NPSR1: variants seen among roughly 807,000 people sequenced by gnomAD.
NPSR1 encodes the protein neuropeptide S receptor 1, also known as neuropeptide S receptor.
NPSR1 carries 48 observed loss-of-function variants against 46.9 expected under a neutral mutation model. That is an observed-to-expected ratio of 1.02 (90% CI 0.81 to 1.30). NPSR1 has a LOEUF of 1.30. Among genes scored for constraint, NPSR1 ranks in the 50% most tolerant of loss-of-function variants. NPSR1 has a pLI of 0.00. For missense variants in NPSR1, 450 were observed against 449.5 expected (o/e 1.00, Z -0.01); for synonymous variants, 176 against 168.1 (o/e 1.05, Z -0.36).
chr7:34,834,210 C>A, intron 5 of NPSR1, 174 bp from the exon 6 acceptor site: 1 of 601,414 alleles, frequency 1.7e-6, no homozygotes, highest in South Asian at 2.2e-5. Context: ...TCCAGTGGAT[C>A]CTCATGGTCA....
intron 2 of NPSR1, among the ~76,000 whole-genome samples, chr7:34,715,417 C>T (rs1783513463): frequency 6.6e-6 from 1 of 152,208 alleles, no homozygotes; most frequent in Non-Finnish European, 1.5e-5. Context: ...ACCTTGGCAC[C>T]TCTACCAAGG....
intron 8 of NPSR1, among the ~76,000 whole-genome samples, chr7:34,869,504 T>C (rs1038500633): frequency 5.1e-4 from 78 of 151,798 alleles, no homozygotes; most frequent in African/African-American, 1.3e-3. Flanking sequence ...ACTGTACTCC[T>C]CCACTTCCCC....
intron 1 of NPSR1, among the ~76,000 whole-genome samples, chr7:34,673,074 C>T (rs770192931): frequency 1.3e-5 from 2 of 152,180 alleles, no homozygotes; most frequent in Non-Finnish European, 2.9e-5. Context: ...GCTACTTCTA[C>T]TCATTGTTTC....
At position 34,703,371 on chromosome 7, in the gene NPSR1, AAAATAAAT is replaced by A. The variant is rs35157717; in HGVS notation, c.280+18715_280+18722del. On this transcript the variant is annotated intron_variant, in intron 2 of 8. Coordinates refer to ENST00000360581, the MANE Select transcript of NPSR1 (RefSeq NM_207172.2). ...GGGTGACAGAGCAAGACTCCGTCTCAAAATAAATAAATAAATAAATAAATAAATAAATA... is the reference window on the plus strand; with the variant it reads ...GGGTGACAGAGCAAGACTCCGTCTCAAAATAAATAAATAAATAAATAAATA... Among the ~76,000 whole-genome samples the A allele has an allele frequency of 4.6e-3, 678 of 148,638 alleles. 3 individuals carry two copies. Among genetic ancestry groups the A allele is most frequent in the African/African-American group, 0.011 (429 of 40,192 alleles).
intron 1 of NPSR1, among the ~76,000 whole-genome samples, chr7:34,666,947 CA>C (rs1392610936): frequency 6.6e-6 from 1 of 152,294 alleles, no homozygotes; most frequent in Non-Finnish European, 1.5e-5. Flanking sequence ...TTACATTTTT[CA>C]AATGATTCTC....
At chr7:34,762,904 C>T (rs957626175) in intron 2 of NPSR1, among the ~76,000 whole-genome samples, 2 of 152,124 alleles carry the variant, frequency 1.3e-5, no homozygotes, top group African/African-American at 2.4e-5. Flanking sequence ...CAGCTTGCTA[C>T]GTATTCATTA....
At chr7:34,670,727 A>C (rs1235589719) in intron 1 of NPSR1, among the ~76,000 whole-genome samples, 1 of 151,984 alleles carries the variant, frequency 6.6e-6, no homozygotes, top group Non-Finnish European at 1.5e-5. Flanking sequence ...AAACAATTTT[A>C]GATTAAATAC....
chr7:34,735,583 C>A (rs1784631614), intron 2 of NPSR1, among the ~76,000 whole-genome samples: 1 of 152,214 alleles, frequency 6.6e-6, no homozygotes, highest in Admixed American at 6.5e-5. Flanking sequence ...GCTATCTGCT[C>A]AGAATCCAGA....
At chr7:34,763,575 A>G (rs1257108410) in intron 2 of NPSR1, among the ~76,000 whole-genome samples, 8 of 152,214 alleles carry the variant, frequency 5.3e-5, no homozygotes, top group Non-Finnish European at 1.2e-4. Flanking sequence ...AGGAAGATAC[A>G]CAGAAGTGGG....
chr7:34,848,379 C>T, intron 7 of NPSR1, 104 bp from the exon 8 acceptor site: 1 of 911,112 alleles, frequency 1.1e-6, no homozygotes, highest in Non-Finnish European at 1.7e-6. Context: ...CTGAGAAATT[C>T]CAGGTCCCAA....
chr7:34,720,492 T>A (rs762999366), intron 2 of NPSR1, among the ~76,000 whole-genome samples: 2 of 152,070 alleles, frequency 1.3e-5, no homozygotes, highest in Non-Finnish European at 2.9e-5. Flanking sequence ...ACATAAGATA[T>A]GATGCAATGT....
At chr7:34,762,323 T>C (rs1786217804) in intron 2 of NPSR1, among the ~76,000 whole-genome samples, 1 of 152,170 alleles carries the variant, frequency 6.6e-6, no homozygotes, top group Non-Finnish European at 1.5e-5. Context: ...GTTTAGACCA[T>C]TAGGCTTAGC....
intron 2 of NPSR1, among the ~76,000 whole-genome samples, chr7:34,773,744 C>G (rs894875971): frequency 2.0e-5 from 3 of 152,198 alleles, no homozygotes; most frequent in Non-Finnish European, 4.4e-5. Flanking sequence ...TAGTCTTGCT[C>G]TCTGCCACTG....
In NPSR1 at chr7:34,778,052, G is replaced by A. The variant is rs866860646; in HGVS notation, c.281-410G>A. Among the ~76,000 whole-genome samples the A allele has an allele frequency of 3.3e-5, 5 of 152,070 alleles. No individual in the cohort carries two copies. The South Asian group carries it at 1.0e-3, about 32-fold the overall frequency. ...AAGAGGTCCAATTTGCAAAATAATG[G>A]GTGTAGTAAGGGGAATTTTGAAGTA... On this transcript the variant is annotated intron_variant, in intron 2 of 8. Coordinates refer to ENST00000360581, the MANE Select transcript of NPSR1 (RefSeq NM_207172.2).
chr7:34,810,054 A>AT (rs1336503771), intron 3 of NPSR1, among the ~76,000 whole-genome samples: 2 of 152,184 alleles, frequency 1.3e-5, no homozygotes, highest in Non-Finnish European at 1.5e-5. Context: ...GCTGAGATGC[A>AT]TTTGTAGAAA....
chr7:34,659,657 C>T lies in NPSR1; in HGVS notation c.147+1098C>T, dbSNP rs538638764. Among the ~76,000 whole-genome samples the T allele has an allele frequency of 3.9e-5, 6 of 152,362 alleles. No homozygotes were observed. In the South Asian group the frequency reaches 1.2e-3, roughly 32 times the overall value. ...AGAACCTGAGCAAACTACTCCTCCA[C>T]TGGCTTCAGTGAAACCCTGTCCCTT... On this transcript the variant is annotated intron_variant, in intron 1 of 8. Coordinates refer to ENST00000360581, the MANE Select transcript of NPSR1 (RefSeq NM_207172.2).
rs528973255 is a variant in NPSR1 at position 34,859,431 on chromosome 7, G to T, written c.1025+10768G>T. On this transcript the variant is annotated intron_variant, in intron 8 of 8. Coordinates refer to the NPSR1 transcript ENST00000359791. ...TTGTCCCCCAGAGTGGAGATCTGAA[G>T]TGCATAATACCCCACTATGCGGTGA... Among the ~76,000 whole-genome samples the T allele has an allele frequency of 2.0e-5, 3 of 151,438 alleles. No homozygotes were observed. The South Asian group carries it at 6.2e-4, about 32-fold the overall frequency.
chr7:34,778,310 G>T (rs1787070850), intron 2 of NPSR1, 152 bp from the exon 3 acceptor site: 4 of 507,566 alleles, frequency 7.9e-6, no homozygotes, highest in Non-Finnish European at 1.4e-5. Flanking sequence ...ACCTTGCTTT[G>T]CATTTCCTCA....
chr7:34,758,647 C>A (rs1308094921), intron 2 of NPSR1, among the ~76,000 whole-genome samples: 3 of 152,124 alleles, frequency 2.0e-5, no homozygotes, highest in Non-Finnish European at 4.4e-5. Context: ...AGTACAAATA[C>A]CCCCATGTAC....
Sources: allele counts gnomAD v4.1 joint callset (sites outside exome capture counted in the v4.1 genomes callset), GRCh38; gene constraint gnomAD v4.1.1; transcripts MANE v1.5; gene names NCBI Gene and HGNC (gene_info 2026-07-23, HGNC 2026-07-21).